The following ZSCAN25 variants were observed in gnomAD, a reference collection of about 807,000 sequenced individuals.
ZSCAN25 encodes the protein zinc finger and SCAN domain containing 25.
In ZSCAN25, 27 loss-of-function variants were observed where a neutral mutation model predicts 38.7. The ratio of observed to expected loss-of-function variants is 0.70; its 90% confidence interval spans 0.51 to 0.96. The LOEUF is 0.96. Among genes scored for constraint, ZSCAN25 ranks in the 40% least tolerant of loss-of-function variants. ZSCAN25 has a pLI of 0.00. For missense variants in ZSCAN25, 637 were observed against 705.9 expected, an observed-to-expected ratio of 0.90 and a Z score of 1.11; for synonymous variants, 273 against 277.7, an observed-to-expected ratio of 0.98 and a Z score of 0.17.
intron 4 of ZSCAN25, chr7:99,621,038 T>C (rs1401756672): frequency 1.7e-5 from 3 of 179,564 alleles, no homozygotes; most frequent in Admixed American, 6.2e-5. Context: ...TTTTTTATTT[T>C]CAGCTTTTTC....
the ZSCAN25 span, among the ~76,000 whole-genome samples, chr7:99,697,483 C>A: frequency 3.9e-5 from 6 of 152,156 alleles, no homozygotes; most frequent in African/African-American, 1.2e-4. Context: ...ATAAATGGAT[C>A]CATATGCGTC....
the ZSCAN25 span, among the ~76,000 whole-genome samples, chr7:99,735,888 G>T: frequency 6.6e-6 from 1 of 152,168 alleles, no homozygotes; most frequent in Admixed American, 6.5e-5. Context: ...GGCTGAGATT[G>T]CTGGGCCCCT....
At chr7:99,628,323 C>G (rs938335271) in intron 7 of ZSCAN25, among the ~76,000 whole-genome samples, 1 of 152,194 alleles carries the variant, frequency 6.6e-6, no homozygotes, top group African/African-American at 2.4e-5. Flanking sequence ...AAGGACTCTT[C>G]CGCTTTAAGC....
At chr7:99,643,130 G>A in the ZSCAN25 span, among the ~76,000 whole-genome samples, 3 of 152,186 alleles carry the variant, frequency 2.0e-5, no homozygotes, top group Admixed American at 6.5e-5. Flanking sequence ...AAATTCTGGT[G>A]TTTATAGGAT....
Position 99,620,006 on chromosome 7 carries a change from G to C in ZSCAN25, c.387+13G>C. Reference sequence around the variant, plus strand: ...GGAGGCCAAGGCGGTGGGTGAGGAGGGGATCCAGGTCTGGCGCCCTTGGCG... The same window carrying C: ...GGAGGCCAAGGCGGTGGGTGAGGAGCGGATCCAGGTCTGGCGCCCTTGGCG... On this transcript the variant is annotated intron_variant, in intron 4 of 7. Transcript: ENST00000394152. 1 of 1,605,470 alleles carries C rather than the reference G, an allele frequency of 6.2e-7. No individual in the cohort carries two copies. The highest frequency in any genetic ancestry group is 1.7e-4 in the Middle Eastern group (1 of 5,896).
the ZSCAN25 span, among the ~76,000 whole-genome samples, chr7:99,706,232 G>T: frequency 6.6e-6 from 1 of 152,190 alleles, no homozygotes; most frequent in Admixed American, 6.5e-5. Flanking sequence ...CTCCTTCAGT[G>T]TTGAGGGGAC....
chr7:99,620,277 T>C lies in ZSCAN25; in HGVS notation c.387+284T>C, dbSNP rs1806836376. The C allele has an allele frequency of 2.1e-5, 9 of 426,614 alleles. No homozygotes were observed. In the South Asian group the frequency reaches 3.3e-4, roughly 15 times the overall value. The allele number at this position is 426,614 out of a possible 1,614,324, so 26.4% of individuals were successfully genotyped here. On this transcript the variant is annotated intron_variant, in intron 4 of 7. Transcript: ENST00000394152. ...GGGCATCAGGCAAAAAGAAGGCAGT[T>C]GTGATTGTTTTTGGGGTCCCTCATA...
the ZSCAN25 span, among the ~76,000 whole-genome samples, chr7:99,697,105 G>A: frequency 5.3e-5 from 8 of 152,280 alleles, no homozygotes; most frequent in South Asian, 2.1e-4. Flanking sequence ...TCTTTACAGC[G>A]ATGTAGGAAA....
the ZSCAN25 span, among the ~76,000 whole-genome samples, chr7:99,711,348 G>A: frequency 6.6e-6 from 1 of 152,226 alleles, no homozygotes; most frequent in Non-Finnish European, 1.5e-5. Context: ...ATGGCTAGAT[G>A]TATGGAAAAT....
the ZSCAN25 span, among the ~76,000 whole-genome samples, chr7:99,727,125 A>G: frequency 6.6e-6 from 1 of 152,164 alleles, no homozygotes; most frequent in Admixed American, 6.5e-5. Context: ...GGCTGTTCCC[A>G]TACTAGCTCT....
chr7:99,698,650 C>T, the ZSCAN25 span, among the ~76,000 whole-genome samples: 4 of 151,846 alleles, frequency 2.6e-5, no homozygotes, highest in Non-Finnish European at 4.4e-5. Flanking sequence ...CTTGTCTTAG[C>T]GATATACATT....
chr7:99,715,849 G>A, the ZSCAN25 span: 5 of 1,613,872 alleles, frequency 3.1e-6, no homozygotes, highest in African/African-American at 4.0e-5. Context: ...TGAGAGAGTC[G>A]ATGCTCACTC....
At chr7:99,720,026 C>G in the ZSCAN25 span, among the ~76,000 whole-genome samples, 260 of 151,948 alleles carry the variant, frequency 1.7e-3, no homozygotes, top group African/African-American at 6.1e-3. Context: ...CAAACAAAAA[C>G]AAAAACAAAA....
the ZSCAN25 span, chr7:99,665,122 G>A: frequency 1.4e-6 from 2 of 1,459,322 alleles, no homozygotes; most frequent in African/African-American, 2.9e-5. Flanking sequence ...TGTCAAGAAA[G>A]CAGTTATTTT....
At chr7:99,648,624 G>C in the ZSCAN25 span, among the ~76,000 whole-genome samples, 1 of 150,804 alleles carries the variant, frequency 6.6e-6, no homozygotes, top group Non-Finnish European at 1.5e-5. Context: ...ATGGAGCACT[G>C]ACTCTGTGCC....
chr7:99,731,713 C>T, the ZSCAN25 span, among the ~76,000 whole-genome samples: 130 of 152,270 alleles, frequency 8.5e-4, 1 homozygote, highest in African/African-American at 2.9e-3. Flanking sequence ...AGGATCTGGC[C>T]CTTCTTAAAC....
intron 6 of ZSCAN25, among the ~76,000 whole-genome samples, chr7:99,623,432 T>C (rs571780020): frequency 3.9e-5 from 6 of 152,304 alleles, no homozygotes; most frequent in African/African-American, 1.2e-4. Flanking sequence ...TGCTGAGCAC[T>C]AGTAGCAGGG....
At chr7:99,695,926 G>T in the ZSCAN25 span, 1 of 1,118,826 alleles carries the variant, frequency 8.9e-7, no homozygotes, top group Non-Finnish European at 1.3e-6. Context: ...GAACTGGAAT[G>T]CTCAAGAGAA....
chr7:99,695,599 C>G, the ZSCAN25 span: 6 of 694,544 alleles, frequency 8.6e-6, no homozygotes, highest in Middle Eastern at 3.7e-4. Flanking sequence ...CGGGGTAAAC[C>G]TTGCCATGCT....
Sources: gnomAD v4.1 joint callset for allele counts (sites outside exome capture counted in the v4.1 genomes callset) on GRCh38, gnomAD v4.1.1 for gene constraint, MANE v1.5 for transcripts, NCBI Gene and HGNC (gene_info 2026-07-23, HGNC 2026-07-21) for gene names.